Variants in CNTN5 observed in about 807,000 individuals in gnomAD.
The protein encoded by CNTN5 is contactin 5.
CNTN5 carries 77 observed loss-of-function variants against 129.1 expected under a neutral mutation model. The ratio of observed to expected loss-of-function variants is 0.60; its 90% confidence interval spans 0.50 to 0.72. CNTN5 has a LOEUF of 0.72. Among genes scored for constraint, CNTN5 ranks in the 30% least tolerant of loss-of-function variants. CNTN5 has a pLI of 0.00. For missense variants in CNTN5, 1,478 were observed against 1,328.8 expected, an observed-to-expected ratio of 1.11 and a Z score of -1.75; for synonymous variants, 509 against 465.6, an observed-to-expected ratio of 1.09 and a Z score of -1.20.
intron 9 of CNTN5, among the ~76,000 whole-genome samples, chr11:100,038,280 G>T (rs1339865036): frequency 6.6e-6 from 1 of 152,116 alleles, no homozygotes; most frequent in African/African-American, 2.4e-5. Context: ...GAGCGGTTTT[G>T]AGTGAGTTTC....
intron 2 of CNTN5, among the ~76,000 whole-genome samples, chr11:99,540,129 A>G (rs1348084995): frequency 6.6e-6 from 1 of 152,098 alleles, no homozygotes; most frequent in Non-Finnish European, 1.5e-5. Context: ...TGTTATGAAA[A>G]ACAATAATAT....
chr11:100,093,868 T>A (rs1224930303), intron 13 of CNTN5, among the ~76,000 whole-genome samples: 1 of 152,036 alleles, frequency 6.6e-6, no homozygotes, highest in Admixed American at 6.6e-5. Flanking sequence ...CCTAAGTAAC[T>A]CTCATGAGCA....
intron 18 of CNTN5, among the ~76,000 whole-genome samples, chr11:100,293,777 C>G (rs542854780): frequency 5.3e-4 from 81 of 151,730 alleles, no homozygotes; most frequent in Non-Finnish European, 1.1e-3. Context: ...TTGTACATAC[C>G]ACTTTATCTA....
chr11:99,889,547 T>C (rs1029218048), intron 6 of CNTN5, among the ~76,000 whole-genome samples: 8 of 146,216 alleles, frequency 5.5e-5, no homozygotes, highest in African/African-American at 8.1e-5. Context: ...TTTTTTTTTT[T>C]CTTTTGAGAT....
intron 1 of CNTN5, among the ~76,000 whole-genome samples, chr11:99,128,533 A>G (rs953111906): frequency 1.3e-4 from 20 of 152,298 alleles, no homozygotes; most frequent in Admixed American, 9.8e-4. Context: ...CAAGGTGTCA[A>G]GTTCAGTGGG....
At chr11:99,777,157 C>T (rs1945151999) in intron 3 of CNTN5, among the ~76,000 whole-genome samples, 1 of 151,746 alleles carries the variant, frequency 6.6e-6, no homozygotes, top group Non-Finnish European at 1.5e-5. Context: ...ATTACATTCA[C>T]TGAAATATAT....
In CNTN5 at chr11:100,161,868, CACACAAAACAA is replaced by C. The variant is rs1239960898; in HGVS notation, c.1581-29256_1581-29246del. ...ACACACACACACACACACACACACA[CACACAAAACAA>C]AAAACAAAAAACAAAAAACACACCT... On this transcript the variant is annotated intron_variant, in intron 13 of 24. Coordinates refer to ENST00000524871, the MANE Select transcript of CNTN5 (RefSeq NM_014361.4). Among the ~76,000 whole-genome samples the C allele has an allele frequency of 8.5e-4, 114 of 133,798 alleles. 1 individual carries two copies. The highest frequency in any genetic ancestry group is 2.8e-3 in the African/African-American group (108 of 38,866). The allele number at this position is 133,798 out of a possible 152,430, so 87.8% of individuals were successfully genotyped here. A position where few individuals can be genotyped will look rare whatever the true frequency, so the allele number is the denominator to read the frequency against.
chr11:99,741,265 A>C (rs1943880493), intron 3 of CNTN5, among the ~76,000 whole-genome samples: 1 of 152,174 alleles, frequency 6.6e-6, no homozygotes, highest in African/African-American at 2.4e-5. Context: ...AATATTTTGG[A>C]ATTTAACATT....
chr11:100,311,696 C>G (rs1951477761), intron 21 of CNTN5, among the ~76,000 whole-genome samples: 1 of 151,908 alleles, frequency 6.6e-6, no homozygotes, highest in African/African-American at 2.4e-5. Context: ...AGAGAATGTT[C>G]CATGCTGTCA....
At chr11:99,368,657 C>A (rs1480891557) in intron 2 of CNTN5, among the ~76,000 whole-genome samples, 1 of 152,038 alleles carries the variant, frequency 6.6e-6, no homozygotes, top group East Asian at 1.9e-4. Context: ...TATCGTAAGA[C>A]TACAGCATAC....
chr11:99,233,451 C>A lies in CNTN5; in HGVS notation c.-209-91895C>A, dbSNP rs149230526. 3.5e-4 allele frequency among the ~76,000 whole-genome samples: 53 copies of A among 152,226 alleles called. No homozygotes were observed. In the East Asian group the frequency reaches 0.01, roughly 29 times the overall value. On this transcript the variant is annotated intron_variant, in intron 1 of 24. Coordinates refer to ENST00000524871, the MANE Select transcript of CNTN5 (RefSeq NM_014361.4). ...GAGGCACACAGGTACAAATAACATACTGGTATAAATTGTAGAATGATGTTT... is the reference window on the plus strand; with the variant it reads ...GAGGCACACAGGTACAAATAACATAATGGTATAAATTGTAGAATGATGTTT...
chr11:99,151,118 C>T (rs569830390), intron 1 of CNTN5, among the ~76,000 whole-genome samples: 29 of 152,090 alleles, frequency 1.9e-4, no homozygotes, highest in African/African-American at 6.5e-4. Flanking sequence ...GAATTTTTAT[C>T]AATTAGGTAT....
intron 2 of CNTN5, among the ~76,000 whole-genome samples, chr11:99,361,824 C>T (rs1939130961): frequency 6.6e-6 from 1 of 152,014 alleles, no homozygotes; most frequent in Non-Finnish European, 1.5e-5. Flanking sequence ...GAATTCTATT[C>T]CTATTAAAGG....
intron 2 of CNTN5, among the ~76,000 whole-genome samples, chr11:99,486,040 C>G (rs1480885727): frequency 6.6e-6 from 1 of 151,918 alleles, no homozygotes; most frequent in African/African-American, 2.4e-5. Flanking sequence ...CAATTTTTGC[C>G]TATTTTCTCT....
At chr11:99,329,038 G>A (rs1865900455) in intron 2 of CNTN5, among the ~76,000 whole-genome samples, 2 of 152,074 alleles carry the variant, frequency 1.3e-5, no homozygotes, top group South Asian at 4.1e-4. Flanking sequence ...TGCCAGTTAT[G>A]GTGGTGGGAC....
Position 99,543,526 on chromosome 11 carries a change from A to C in CNTN5, c.-70-12619A>C, listed in dbSNP as rs75018377. Among the ~76,000 whole-genome samples, 725 of 152,328 alleles carry C rather than the reference A, an allele frequency of 4.8e-3. 40 individuals are homozygous for C. The East Asian group carries it at 0.11, about 22-fold the overall frequency. ...AATCTGCTCTGACATTTCTCAGAGC[A>C]TCTCAAAGATTGTGTGAGTCAATCA... On this transcript the variant is annotated intron_variant, in intron 2 of 24. Transcript: ENST00000524871.
chr11:99,925,713 T>C (rs1372434095), intron 7 of CNTN5, among the ~76,000 whole-genome samples: 1 of 152,042 alleles, frequency 6.6e-6, no homozygotes, highest in Non-Finnish European at 1.5e-5. Flanking sequence ...ATTTTTGTTT[T>C]GTGGGTTTTT....
intron 1 of CNTN5, among the ~76,000 whole-genome samples, chr11:99,252,956 CTT>C (rs10708929): frequency 0.024 from 3,501 of 143,590 alleles, 127 homozygotes; most frequent in African/African-American, 0.081. Context: ...TCTTAAATCT[CTT>C]TTTTTTTTTT....
At chr11:99,380,888 G>T (rs901337054) in intron 2 of CNTN5, among the ~76,000 whole-genome samples, 1 of 152,050 alleles carries the variant, frequency 6.6e-6, no homozygotes, top group Non-Finnish European at 1.5e-5. Context: ...ACATCAGTGA[G>T]AACCCTGATT....
Sources: gnomAD v4.1 joint callset for allele counts (sites outside exome capture counted in the v4.1 genomes callset) on GRCh38, gnomAD v4.1.1 for gene constraint, MANE v1.5 for transcripts, NCBI Gene and HGNC (gene_info 2026-07-23, HGNC 2026-07-21) for gene names.